Variants in CEP97 observed in about 807,000 individuals in gnomAD.
CEP97 encodes the protein centrosomal protein 97.
Under a neutral mutation model 73.1 loss-of-function variants are expected in CEP97, and 43 were observed. The observed-to-expected ratio is 0.59, with a 90% CI of 0.46 to 0.76. The LOEUF (loss-of-function observed/expected upper bound fraction) is 0.76, where lower values mean the gene tolerates loss of function less well. CEP97 is among the 30% of genes least tolerant of loss of function. The pLI, the probability that CEP97 is intolerant of heterozygous loss-of-function variation, is 0.00. For synonymous variants in CEP97, 337 were observed against 370.0 expected, an observed-to-expected ratio of 0.91 and a Z score of 1.02; for missense variants, 939 against 1,014.0, an observed-to-expected ratio of 0.93 and a Z score of 1.00.
intron 6 of CEP97, among the ~76,000 whole-genome samples, chr3:101,742,053 A>G (rs868685162): frequency 7.1e-6 from 1 of 141,768 alleles, no homozygotes; most frequent in Non-Finnish European, 1.6e-5. Context: ...AAAAAAAAAA[A>G]ACAAAAAAAC....
At chr3:101,759,198 G>C (rs1346959812) in intron 9 of CEP97, 2 of 152,122 alleles carry the variant, frequency 1.3e-5, no homozygotes, top group Non-Finnish European at 2.9e-5. Flanking sequence ...ATACTATTCT[G>C]TTCGTCATTA....
At position 101,767,763 on chromosome 3, in the gene CEP97, T is replaced by C. The variant is rs1939354196; in HGVS notation, c.*2212T>C. On this transcript the variant is annotated 3_prime_UTR_variant, in exon 11 of 11. Coordinates refer to ENST00000341893, the MANE Select transcript of CEP97 (RefSeq NM_024548.4). ...GTTCTTCGTCTGTGTTTTATTTAAC[T>C]TTTACTAGTGTTTAGAAGTGCAAGA... is the stretch of plus-strand genomic sequence containing the variant. The C allele has an allele frequency of 6.6e-6, 1 of 152,232 alleles. No homozygotes were observed. The highest frequency in any genetic ancestry group is 2.1e-4 in the South Asian group (1 of 4,836). The allele number at this position is 152,232 out of a possible 1,614,324, so 9.4% of individuals were successfully genotyped here. A position where few individuals can be genotyped will look rare whatever the true frequency, so the allele number is the denominator to read the frequency against.
chr3:101,752,460 A>C (rs529542576), intron 6 of CEP97, among the ~76,000 whole-genome samples: 2 of 152,306 alleles, frequency 1.3e-5, no homozygotes, highest in South Asian at 4.1e-4. Context: ...AGATTGGGGA[A>C]GTTCTCCTGG....
intron 6 of CEP97, among the ~76,000 whole-genome samples, chr3:101,742,848 A>G (rs1938501661): frequency 6.6e-6 from 1 of 152,152 alleles, no homozygotes; most frequent in Non-Finnish European, 1.5e-5. Flanking sequence ...ACTCCATCTC[A>G]AAAAAATAAA....
At chr3:101,747,849 A>G (rs1339440439) in intron 6 of CEP97, among the ~76,000 whole-genome samples, 1 of 151,786 alleles carries the variant, frequency 6.6e-6, no homozygotes, top group Non-Finnish European at 1.5e-5. Flanking sequence ...GAGGCCAGGC[A>G]TGGTGGCTCA....
rs368575291 is a variant in CEP97, at chr3:101,727,364, A to G, written c.187-19A>G. 140 of 705,472 alleles carry G rather than the reference A, an allele frequency of 2.0e-4. 1 individual carries two copies. Among genetic ancestry groups the G allele is most frequent in the South Asian group, 1.8e-3 (97 of 53,602 alleles). The allele number at this position is 705,472 out of a possible 1,614,324, so 43.7% of individuals were successfully genotyped here. A position where few individuals can be genotyped will look rare whatever the true frequency, so the allele number is the denominator to read the frequency against. On this transcript the variant is annotated intron_variant, in intron 2 of 10. Transcript: ENST00000341893. ...ATATATGTTATTCCTAAAAATAACA[A>G]TATGTTTCCTTTTTACAGTTATCAG...
intron 4 of CEP97, among the ~76,000 whole-genome samples, chr3:101,731,211 T>C (rs1938097299): frequency 6.7e-6 from 1 of 150,024 alleles, no homozygotes; most frequent in Non-Finnish European, 1.5e-5. Flanking sequence ...TTTTTTTTTT[T>C]TAATTTGAGA....
At position 101,767,230 on chromosome 3, in the gene CEP97, TTC is replaced by T. The variant is rs2107201472; in HGVS notation, c.*1681_*1682del. Reference sequence around the variant, plus strand: ...CAGAATCCCTTGAAAAGGAAATATTTTCTGTTTCTTATAAATAAAAGAGTAAT... The same window carrying T: ...CAGAATCCCTTGAAAAGGAAATATTTTGTTTCTTATAAATAAAAGAGTAAT... On this transcript the variant is annotated 3_prime_UTR_variant, in exon 11 of 11. Coordinates refer to ENST00000341893, the MANE Select transcript of CEP97 (RefSeq NM_024548.4). The T allele has an allele frequency of 6.6e-6, 1 of 152,342 alleles. No individual in the cohort carries two copies. Among genetic ancestry groups the T allele is most frequent in the South Asian group, 2.1e-4 (1 of 4,828 alleles). The allele number at this position is 152,342 out of a possible 1,614,324, so 9.4% of individuals were successfully genotyped here. A position where few individuals can be genotyped will look rare whatever the true frequency, so the allele number is the denominator to read the frequency against.
At position 101,724,629 on chromosome 3, in the gene CEP97, C is replaced by G; in HGVS notation, c.-48C>G. 1 of 1,611,460 alleles carries G rather than the reference C, an allele frequency of 6.2e-7. No homozygotes were observed. The highest frequency in any genetic ancestry group is 8.5e-7 in the Non-Finnish European group (1 of 1,177,652). Reference sequence around the variant, plus strand: ...TCCCTCCTTCAGATTACAAGCTCCACAGAGCCGCGGGAGGACGGTTGCCTG... The same window carrying G: ...TCCCTCCTTCAGATTACAAGCTCCAGAGAGCCGCGGGAGGACGGTTGCCTG... On this transcript the variant is annotated 5_prime_UTR_variant, in exon 1 of 11. Transcript: ENST00000341893.
chr3:101,752,687 G>A (rs960482762), intron 6 of CEP97, among the ~76,000 whole-genome samples: 2 of 151,936 alleles, frequency 1.3e-5, no homozygotes, highest in South Asian at 2.1e-4. Flanking sequence ...TGATCGCATC[G>A]GCTCCTGAGT....
At chr3:101,728,257 C>G (rs1576674781) in intron 3 of CEP97, among the ~76,000 whole-genome samples, 1 of 134,012 alleles carries the variant, frequency 7.5e-6, no homozygotes, top group South Asian at 2.3e-4. Flanking sequence ...ACTATGGTTT[C>G]TTTTGTTTTT....
In CEP97 at chr3:101,749,138, TC is replaced by T. The variant is rs1938720152; in HGVS notation, c.729-6286del. ...TAGGTATATCTCCTAATGCTATCCC[TC>T]CCCCCTCCCCCCACCCCACAACAGT... On this transcript the variant is annotated intron_variant, in intron 6 of 10. Transcript: ENST00000341893. Among the ~76,000 whole-genome samples the T allele has an allele frequency of 7.7e-5, 7 of 90,358 alleles. No homozygotes were observed. In the South Asian group the frequency reaches 3.4e-3, roughly 44 times the overall value. 59.3% of individuals were successfully genotyped at this position (90,358 alleles called of 152,430 possible). A position where few individuals can be genotyped will look rare whatever the true frequency, so the allele number is the denominator to read the frequency against.
At chr3:101,740,685 G>C (rs947233663) in intron 6 of CEP97, among the ~76,000 whole-genome samples, 2 of 152,062 alleles carry the variant, frequency 1.3e-5, no homozygotes, top group Non-Finnish European at 2.9e-5. Context: ...CACCTCGTGG[G>C]TTCAAGCGAT....
In CEP97 at chr3:101,726,724, A is replaced by T. The variant is rs555958629; in HGVS notation, c.174A>T (p.Lys58Asn). ...IIKLENLEKC[K>N]RLIQLSVANN... ...AATTGGAAAATCTGGAGAAATGCAA[A>T]CGATTAATACAGGTAGGTATTGCAA... Residue 58 changes from lysine (K) to asparagine (N), a missense_variant, in exon 2 of 11, where the codon AAA (lysine) becomes AAT (asparagine). Lys to Asn is a moderately conservative substitution (Grantham distance 94). Transcript: ENST00000341893. 1 of 1,603,194 alleles carries T rather than the reference A, an allele frequency of 6.2e-7. No individual in the cohort carries two copies. Among genetic ancestry groups the T allele is most frequent in the East Asian group, 2.2e-5 (1 of 44,696 alleles).
At position 101,758,077 on chromosome 3, in the gene CEP97, A is replaced by G. The variant is rs1454019492; in HGVS notation, c.1471A>G (p.Ser491Gly). 5 of 1,614,266 alleles carry G rather than the reference A, an allele frequency of 3.1e-6. No homozygotes were observed. The East Asian group carries it at 6.7e-5, about 22-fold the overall frequency. The change falls in exon 9 of 11, where the codon AGT becomes GGT. Residue 491 changes from serine (S) to glycine (G), a missense_variant. Ser to Gly is a moderately conservative substitution (Grantham distance 56). Transcript: ENST00000341893. ...ACCTTGTCCTGAGCCAACAATAATC[A>G]GTGCTATCTTGAAGGATGATAACCA... ...LLPCPEPTIISAILKDDNHSL... is the reference protein window; with the variant it reads ...LLPCPEPTIIGAILKDDNHSL...
chr3:101,733,359 AT>A (rs1938173552), intron 6 of CEP97, among the ~76,000 whole-genome samples: 1 of 151,752 alleles, frequency 6.6e-6, no homozygotes. Flanking sequence ...TATTCATTTT[AT>A]TTTCTATTTT....
chr3:101,751,688 G>A (rs866961693), intron 6 of CEP97, among the ~76,000 whole-genome samples: 5 of 152,198 alleles, frequency 3.3e-5, no homozygotes, highest in Middle Eastern at 6.8e-3. Flanking sequence ...TGTCTCTTTT[G>A]ATCTTTGTTG....
chr3:101,750,797 C>T (rs975301300), intron 6 of CEP97, among the ~76,000 whole-genome samples: 3 of 152,048 alleles, frequency 2.0e-5, no homozygotes, highest in African/African-American at 7.2e-5. Context: ...TTTGATTCTT[C>T]TCTCTTTTCT....
intron 2 of CEP97, 137 bp downstream of exon 2, chr3:101,726,873 C>T: frequency 1.7e-6 from 1 of 572,592 alleles, no homozygotes; most frequent in South Asian, 2.5e-5. Flanking sequence ...ATGACAGTTT[C>T]TTCTGAAGAT....
Sources: gnomAD v4.1 joint callset for allele counts (sites outside exome capture counted in the v4.1 genomes callset) on GRCh38, gnomAD v4.1.1 for gene constraint, MANE v1.5 for transcripts, NCBI Gene and HGNC (gene_info 2026-07-23, HGNC 2026-07-21) for gene names.